BCKDHB: variants seen among roughly 807,000 people sequenced by gnomAD.
BCKDHB encodes the protein branched chain keto acid dehydrogenase E1 subunit beta.
BCKDHB carries 41 observed loss-of-function variants against 48.5 expected under a neutral mutation model. The ratio of observed to expected loss-of-function variants is 0.85; its 90% CI spans 0.66 to 1.10. The LOEUF (loss-of-function observed/expected upper bound fraction) is 1.10. Among genes scored for constraint, BCKDHB ranks in the 50% least tolerant of loss-of-function variants. The probability of loss-of-function intolerance (pLI) is 0.00; values close to 1 mark genes in which losing one functional copy is unlikely to be tolerated. For missense variants in BCKDHB, 496 were observed against 494.2 expected (o/e 1.00, Z -0.03); for synonymous variants, 201 against 174.8 (o/e 1.15, Z -1.18).
intron 8 of BCKDHB, among the ~76,000 whole-genome samples, chr6:80,236,662 A>T (rs1259273226): frequency 6.6e-6 from 1 of 152,220 alleles, no homozygotes; most frequent in East Asian, 1.9e-4. Flanking sequence ...ACTGGCCCCA[A>T]GACACATACT....
intron 6 of BCKDHB, among the ~76,000 whole-genome samples, chr6:80,193,308 T>A (rs948100633): frequency 4.6e-5 from 7 of 152,232 alleles, no homozygotes; most frequent in African/African-American, 7.2e-5. Flanking sequence ...AGGTGATTTT[T>A]TTTTAATTTT....
At chr6:80,327,669 C>G (rs1769100936) in intron 9 of BCKDHB, among the ~76,000 whole-genome samples, 1 of 152,108 alleles carries the variant, frequency 6.6e-6, no homozygotes, top group African/African-American at 2.4e-5. Context: ...TTGAGGAATT[C>G]TCATACTTCT....
chr6:80,337,480 G>T (rs1769653004), intron 9 of BCKDHB, among the ~76,000 whole-genome samples: 1 of 151,882 alleles, frequency 6.6e-6, no homozygotes, highest in African/African-American at 2.4e-5. Flanking sequence ...TCCAATTTAG[G>T]TTTAAAAGTA....
chr6:80,279,356 A>G (rs919856940), intron 9 of BCKDHB, among the ~76,000 whole-genome samples: 1 of 151,966 alleles, frequency 6.6e-6, no homozygotes, highest in South Asian at 2.1e-4. Context: ...GGGTTTCACC[A>G]TGTTGGTCAG....
At chr6:80,435,838 C>G in the BCKDHB span, among the ~76,000 whole-genome samples, 1 of 152,044 alleles carries the variant, frequency 6.6e-6, no homozygotes, top group African/African-American at 2.4e-5. Context: ...TCGAGACCAG[C>G]CTGACCAACG....
intron 8 of BCKDHB, among the ~76,000 whole-genome samples, chr6:80,223,571 A>G (rs2127867261): frequency 6.6e-6 from 1 of 152,252 alleles, no homozygotes; most frequent in East Asian, 1.9e-4. Flanking sequence ...TTTCTGGTAG[A>G]AGCCTTAGTA....
At chr6:80,364,030 C>T in the BCKDHB span, among the ~76,000 whole-genome samples, 3 of 152,310 alleles carry the variant, frequency 2.0e-5, no homozygotes, top group East Asian at 5.8e-4. Context: ...GCTAACAATT[C>T]ACAAATACTT....
intron 6 of BCKDHB, among the ~76,000 whole-genome samples, chr6:80,172,244 T>C (rs958789656): frequency 6.6e-6 from 1 of 152,150 alleles, no homozygotes; most frequent in African/African-American, 2.4e-5. Context: ...GAATATCTGT[T>C]GTTCATTTCT....
At chr6:80,401,275 A>G in the BCKDHB span, among the ~76,000 whole-genome samples, 3 of 151,926 alleles carry the variant, frequency 2.0e-5, no homozygotes, top group African/African-American at 7.2e-5. Context: ...ACATATAAAT[A>G]GCAGTTCATA....
chr6:80,336,485 GCAAAAAAAAC>G (rs1769596022), intron 9 of BCKDHB, among the ~76,000 whole-genome samples: 2 of 22,136 alleles, frequency 9.0e-5, no homozygotes, highest in African/African-American at 2.5e-4. Flanking sequence ...AGAAATCTTA[GCAAAAAAAAC>G]CAAAAAAACA....
At chr6:80,192,362 C>T (rs780149493) in intron 6 of BCKDHB, among the ~76,000 whole-genome samples, 6 of 149,916 alleles carry the variant, frequency 4.0e-5, no homozygotes, top group Non-Finnish European at 7.4e-5. Flanking sequence ...TTTTTTTTTG[C>T]GCCAGTTTTC....
the BCKDHB span, among the ~76,000 whole-genome samples, chr6:80,416,650 C>T: frequency 6.6e-6 from 1 of 151,818 alleles, no homozygotes; most frequent in Admixed American, 6.6e-5. Flanking sequence ...GAAATTGTTT[C>T]TTATGATTTC....
chr6:80,419,894 T>C, the BCKDHB span, among the ~76,000 whole-genome samples: 1 of 152,236 alleles, frequency 6.6e-6, no homozygotes, highest in South Asian at 2.1e-4. Flanking sequence ...TTGAATATGC[T>C]AATTCTTTCC....
intron 9 of BCKDHB, among the ~76,000 whole-genome samples, chr6:80,285,942 C>G (rs1034404524): frequency 6.6e-6 from 1 of 151,640 alleles, no homozygotes; most frequent in Non-Finnish European, 1.5e-5. Context: ...ATAAGTGTGT[C>G]TCTGTGTGTG....
At chr6:80,462,040 C>A in the BCKDHB span, among the ~76,000 whole-genome samples, 3 of 151,552 alleles carry the variant, frequency 2.0e-5, no homozygotes, top group Non-Finnish European at 2.9e-5. Flanking sequence ...TTTCATGTTC[C>A]TATCCATAAA....
the BCKDHB span, among the ~76,000 whole-genome samples, chr6:80,431,085 G>C: frequency 1.3e-5 from 2 of 152,154 alleles, no homozygotes; most frequent in East Asian, 1.9e-4. Flanking sequence ...TTACCCAGTA[G>C]TCATTCAGGA....
At chr6:80,212,399 A>G (rs1411780334) in intron 8 of BCKDHB, among the ~76,000 whole-genome samples, 2 of 152,092 alleles carry the variant, frequency 1.3e-5, no homozygotes, top group African/African-American at 2.4e-5. Flanking sequence ...TCCTACTTGC[A>G]TGTCCATTTA....
chr6:80,326,227 A>G (rs908784649), intron 9 of BCKDHB, among the ~76,000 whole-genome samples: 4 of 152,130 alleles, frequency 2.6e-5, no homozygotes, highest in Admixed American at 2.6e-4. Context: ...GTGGGGATAC[A>G]TTTTTCAGGA....
chr6:80,107,512 C>T (rs1029262372), intron 1 of BCKDHB, among the ~76,000 whole-genome samples: 5 of 28,810 alleles, frequency 1.7e-4, no homozygotes, highest in African/African-American at 6.5e-4. Context: ...TATATATGTG[C>T]GCATATATAT....
Sources: gnomAD v4.1 joint callset for allele counts (sites outside exome capture counted in the v4.1 genomes callset) on GRCh38, gnomAD v4.1.1 for gene constraint, MANE v1.5 for transcripts, NCBI Gene and HGNC (gene_info 2026-07-23, HGNC 2026-07-21) for gene names.